Variants in SGCZ observed in about 807,000 individuals in gnomAD.
SGCZ encodes the protein zeta-sarcoglycan.
Under a neutral mutation model 41.3 loss-of-function variants are expected in SGCZ, and 40 were observed. The ratio of observed to expected loss-of-function variants is 0.97; its 90% CI spans 0.75 to 1.26. The LOEUF (loss-of-function observed/expected upper bound fraction) is 1.26. SGCZ is among the 50% of genes most tolerant of loss of function. The pLI is 0.00. For missense variants in SGCZ, 552 were observed against 369.8 expected (o/e 1.49, Z -4.04); for synonymous variants, 206 against 137.5 (o/e 1.50, Z -3.49).
chr8:14,576,970 C>T (rs1804730586), intron 1 of SGCZ, among the ~76,000 whole-genome samples: 1 of 152,150 alleles, frequency 6.6e-6, no homozygotes, highest in South Asian at 2.1e-4. Flanking sequence ...CCAAAAGGCC[C>T]TTCATGAAAA....
intron 3 of SGCZ, among the ~76,000 whole-genome samples, chr8:14,266,018 C>G (rs1421607554): frequency 4.6e-5 from 7 of 151,900 alleles, no homozygotes; most frequent in Admixed American, 4.6e-4. Context: ...TATTAGTGTT[C>G]AAGAGGCTCT....
At chr8:14,434,390 T>G (rs567350800) in intron 2 of SGCZ, among the ~76,000 whole-genome samples, 10 of 152,314 alleles carry the variant, frequency 6.6e-5, no homozygotes, top group African/African-American at 2.4e-4. Flanking sequence ...TCATTTGAAA[T>G]CAGGTAATGG....
chr8:15,077,958 G>T (rs1234141939), intron 1 of SGCZ, among the ~76,000 whole-genome samples: 1 of 151,958 alleles, frequency 6.6e-6, no homozygotes, highest in Non-Finnish European at 1.5e-5. Flanking sequence ...GTTTTTGTGT[G>T]GATAAGGAAC....
At chr8:14,332,089 C>G (rs1021762195) in intron 2 of SGCZ, among the ~76,000 whole-genome samples, 1 of 151,880 alleles carries the variant, frequency 6.6e-6, no homozygotes, top group African/African-American at 2.4e-5. Flanking sequence ...TCACTAGCCT[C>G]AAAGAACATA....
chr8:14,960,961 A>T (rs1263501878), intron 1 of SGCZ, among the ~76,000 whole-genome samples: 4 of 119,194 alleles, frequency 3.4e-5, no homozygotes, highest in African/African-American at 1.2e-4. Flanking sequence ...ACACACACAC[A>T]CACTCACTCA....
chr8:14,115,837 T>A (rs538535445), intron 5 of SGCZ, among the ~76,000 whole-genome samples: 1 of 152,084 alleles, frequency 6.6e-6, no homozygotes, highest in South Asian at 2.1e-4. Flanking sequence ...TAATCCTATC[T>A]TTTTTCCTTA....
At chr8:14,837,138 T>C (rs1216425353) in intron 1 of SGCZ, among the ~76,000 whole-genome samples, 1 of 152,178 alleles carries the variant, frequency 6.6e-6, no homozygotes, top group Non-Finnish European at 1.5e-5. Flanking sequence ...AAACAGGCCT[T>C]CTCTGCAATC....
rs372493029 is a variant in SGCZ, at chr8:14,830,366, G to A, written c.40-275440C>T. ...GAAGTACTCTGTATGACATCAATTTGTTATCTGTCAATATGTTTTTTAGCA... is the reference window on the plus strand; with the variant it reads ...GAAGTACTCTGTATGACATCAATTTATTATCTGTCAATATGTTTTTTAGCA... On this transcript the variant is annotated intron_variant, in intron 1 of 7. Transcript: ENST00000382080. Among the ~76,000 whole-genome samples, 617 of 151,392 alleles carry A rather than the reference G, an allele frequency of 4.1e-3. 5 individuals are homozygous for A. The highest frequency in any genetic ancestry group is 0.016 in the South Asian group (75 of 4,816).
intron 1 of SGCZ, among the ~76,000 whole-genome samples, chr8:14,840,920 A>C (rs1050440272): frequency 6.6e-6 from 1 of 151,920 alleles, no homozygotes; most frequent in East Asian, 1.9e-4. Context: ...TTATTTTGGG[A>C]CTCTACTATA....
intron 1 of SGCZ, among the ~76,000 whole-genome samples, chr8:14,982,743 T>C (rs1194422923): frequency 6.6e-6 from 1 of 152,206 alleles, no homozygotes; most frequent in African/African-American, 2.4e-5. Flanking sequence ...TCATAGCACT[T>C]TTTTAATCTT....
intron 1 of SGCZ, among the ~76,000 whole-genome samples, chr8:14,841,801 C>T (rs894874640): frequency 1.3e-5 from 2 of 152,134 alleles, no homozygotes; most frequent in East Asian, 1.9e-4. Flanking sequence ...ATGTTGTCAT[C>T]TTACAAGTGA....
chr8:15,141,148 A>G (rs1305747822), intron 1 of SGCZ, among the ~76,000 whole-genome samples: 1 of 152,232 alleles, frequency 6.6e-6, no homozygotes, highest in East Asian at 1.9e-4. Flanking sequence ...CATTTATGAC[A>G]AATATTGAGG....
At chr8:14,566,471 G>C (rs1234665030) in intron 1 of SGCZ, among the ~76,000 whole-genome samples, 3 of 152,190 alleles carry the variant, frequency 2.0e-5, no homozygotes, top group Non-Finnish European at 4.4e-5. Flanking sequence ...GCGGATCTCA[G>C]TAGAGACCAT....
intron 1 of SGCZ, among the ~76,000 whole-genome samples, chr8:14,806,783 G>A (rs1448658782): frequency 1.3e-5 from 2 of 151,996 alleles, no homozygotes; most frequent in African/African-American, 4.8e-5. Context: ...AACCAAAAAA[G>A]AGAATTTTAG....
intron 1 of SGCZ, among the ~76,000 whole-genome samples, chr8:14,936,308 A>G (rs1800080860): frequency 6.6e-6 from 1 of 151,952 alleles, no homozygotes; most frequent in African/African-American, 2.4e-5. Flanking sequence ...AATGCATTTA[A>G]TATGTCTAAC....
At chr8:14,527,103 G>A (rs1429756779) in intron 2 of SGCZ, among the ~76,000 whole-genome samples, 1 of 152,076 alleles carries the variant, frequency 6.6e-6, no homozygotes, top group Non-Finnish European at 1.5e-5. Context: ...CATGTGACAT[G>A]AAGTTAAGAA....
chr8:14,544,237 T>C (rs1803556321), intron 2 of SGCZ, among the ~76,000 whole-genome samples: 1 of 152,172 alleles, frequency 6.6e-6, no homozygotes, highest in Admixed American at 6.6e-5. Flanking sequence ...TTTAATCTGT[T>C]AATCTTGTTA....
chr8:14,289,683 G>A (rs1342450021), intron 3 of SGCZ, among the ~76,000 whole-genome samples: 1 of 151,892 alleles, frequency 6.6e-6, no homozygotes, highest in Non-Finnish European at 1.5e-5. Flanking sequence ...ACTGATATTG[G>A]CAAAGGCATC....
At chr8:14,185,578 G>C (rs1410053255) in intron 4 of SGCZ, among the ~76,000 whole-genome samples, 1 of 151,820 alleles carries the variant, frequency 6.6e-6, no homozygotes, top group Non-Finnish European at 1.5e-5. Flanking sequence ...TTCAAAAACT[G>C]TCTTCTTCCT....
Sources: gnomAD v4.1 joint callset for allele counts (sites outside exome capture counted in the v4.1 genomes callset) on GRCh38, gnomAD v4.1.1 for gene constraint, MANE v1.5 for transcripts, NCBI Gene and HGNC (gene_info 2026-07-23, HGNC 2026-07-21) for gene names.